The following RBM28 variants were observed in gnomAD, a reference collection of about 807,000 sequenced individuals.
RBM28 encodes RNA-binding protein 28.
A neutral mutation model predicts 98.3 loss-of-function variants in RBM28; 78 were observed. The ratio of observed to expected loss-of-function variants is 0.79; its 90% confidence interval spans 0.66 to 0.96. The LOEUF (loss-of-function observed/expected upper bound fraction) is 0.96. RBM28 is among the 40% of genes least tolerant of loss of function. The probability of loss-of-function intolerance (pLI) is 0.00; values close to 1 mark genes in which losing one functional copy is unlikely to be tolerated. For synonymous variants in RBM28, 306 were observed against 330.9 expected (o/e 0.92, Z 0.82); for missense variants, 838 against 913.0 (o/e 0.92, Z 1.06).
At chr7:128,315,205 T>C (rs1018473710) in intron 16 of RBM28, among the ~76,000 whole-genome samples, 185 bp from the exon 17 acceptor site, 3 of 152,176 alleles carry the variant, frequency 2.0e-5, no homozygotes, top group African/African-American at 7.2e-5. Flanking sequence ...AGATGGTTAC[T>C]GGGTGGGGGG....
At chr7:128,329,015 A>G (rs1796413605) in intron 10 of RBM28, among the ~76,000 whole-genome samples, 1 of 151,636 alleles carries the variant, frequency 6.6e-6, no homozygotes, top group Non-Finnish European at 1.5e-5. Flanking sequence ...TGCAGTGGCA[A>G]TCATAGCTCA....
chr7:128,337,033 C>A, intron 6 of RBM28, 98 bp downstream of exon 6: 3 of 1,334,360 alleles, frequency 2.2e-6, no homozygotes, highest in Non-Finnish European at 3.2e-6. Context: ...CTGCACCCAG[C>A]CTTTTTCTTA....
chr7:128,335,897 C>T lies in RBM28; in HGVS notation c.759G>A (p.Glu253=). 6.2e-7 allele frequency: 1 copy of T among 1,613,572 alleles called. No homozygotes were observed. Among genetic ancestry groups the T allele is most frequent in the African/African-American group, 1.3e-5 (1 of 74,970 alleles). Residue 253 remains glutamate (E), a synonymous_variant, in exon 7 of 19, where the codon GAG becomes GAA. Transcript: ENST00000223073. ...TCACCTTTGATTCTATATTCTCTTCCTCTTCATCTTCATCATCAAAAACCC... is the reference window on the plus strand; with the variant it reads ...TCACCTTTGATTCTATATTCTCTTCTTCTTCATCTTCATCATCAAAAACCC... ...EDGVFDDEDE[E]EENIESKVTK...
In RBM28 at chr7:128,298,444, T is replaced by C. The variant is rs776868278; in HGVS notation, c.*12353A>G. The C allele has an allele frequency of 5.9e-5, 9 of 152,204 alleles. No homozygotes were observed. The highest frequency in any genetic ancestry group is 1.9e-4 in the East Asian group (1 of 5,200). 9.4% of individuals were successfully genotyped at this position (152,204 alleles called of 1,614,324 possible). On this transcript the variant is annotated 3_prime_UTR_variant, in exon 19 of 19. Coordinates refer to ENST00000223073, the MANE Select transcript of RBM28 (RefSeq NM_018077.3). ...TTATTTCTCAGTCGGCCGACACTTATGGAAAATAGAAAGAACCTATGTTGA... is the reference window on the plus strand; with the variant it reads ...TTATTTCTCAGTCGGCCGACACTTACGGAAAATAGAAAGAACCTATGTTGA...
intron 3 of RBM28, 29 bp downstream of exon 3, chr7:128,339,198 A>G: frequency 4.5e-6 from 7 of 1,544,808 alleles, no homozygotes; most frequent in Non-Finnish European, 6.3e-6. Context: ...CCTTCAAAAC[A>G]TGCAATGTTC....
chr7:128,320,636 C>G (rs1796211163), intron 14 of RBM28, among the ~76,000 whole-genome samples: 1 of 152,074 alleles, frequency 6.6e-6, no homozygotes, highest in Non-Finnish European at 1.5e-5. Flanking sequence ...AATACTCTTC[C>G]AAAAAGCAAA....
intron 10 of RBM28, among the ~76,000 whole-genome samples, chr7:128,327,429 A>G (rs566370717): frequency 2.6e-5 from 4 of 152,334 alleles, no homozygotes; most frequent in African/African-American, 9.6e-5. Context: ...TAGAATCTCC[A>G]TAAGGCATGC....
At chr7:128,323,461 C>A in intron 13 of RBM28, 66 bp downstream of exon 13, 1 of 1,574,548 alleles carries the variant, frequency 6.4e-7, no homozygotes, top group Non-Finnish European at 8.7e-7. Context: ...ATCTAGCATT[C>A]GATAACTATT....
chr7:128,316,281 C>G (rs1019514995), intron 16 of RBM28, among the ~76,000 whole-genome samples: 6 of 152,200 alleles, frequency 3.9e-5, no homozygotes, highest in African/African-American at 1.4e-4. Flanking sequence ...GGCCTTATAT[C>G]TTTTGAGAGA....
chr7:128,322,268 A>G (rs899856090), intron 13 of RBM28, among the ~76,000 whole-genome samples: 1 of 152,190 alleles, frequency 6.6e-6, no homozygotes, highest in African/African-American at 2.4e-5. Flanking sequence ...CCACAGAACC[A>G]TATTTTGCTC....
At chr7:128,311,064 G>T in intron 18 of RBM28, 133 bp from the exon 19 acceptor site, 1 of 888,610 alleles carries the variant, frequency 1.1e-6, no homozygotes, top group South Asian at 1.5e-5. Context: ...GGTTTCTAGA[G>T]AGAGACTCTT....
At chr7:128,342,896 G>A (rs1796758040) in intron 1 of RBM28, among the ~76,000 whole-genome samples, 3 of 151,944 alleles carry the variant, frequency 2.0e-5, no homozygotes, top group South Asian at 4.2e-4. Context: ...ACCTCAGTCC[G>A]TCCTTCTCTG....
At chr7:128,326,933 A>T (rs1012450009) in intron 10 of RBM28, among the ~76,000 whole-genome samples, 43 of 152,046 alleles carry the variant, frequency 2.8e-4, no homozygotes, top group Non-Finnish European at 3.7e-4. Context: ...TAAGCCCAAG[A>T]GTTAGAGCCT....
chr7:128,313,786 G>C (rs1425489599), intron 17 of RBM28, among the ~76,000 whole-genome samples: 1 of 152,122 alleles, frequency 6.6e-6, no homozygotes, highest in Non-Finnish European at 1.5e-5. Context: ...CGGTGAATGA[G>C]TTACCACAAG....
At chr7:128,342,827 C>T (rs992852038) in intron 1 of RBM28, among the ~76,000 whole-genome samples, 4 of 152,170 alleles carry the variant, frequency 2.6e-5, no homozygotes, top group Non-Finnish European at 5.9e-5. Context: ...TACCTTTGAG[C>T]TTGCTGTTTT....
At position 128,343,665 on chromosome 7, in the gene RBM28, C is replaced by G. The variant is rs1374796844; in HGVS notation, c.118+11G>C. ...AAACCCCAGCCCTATCCTCGACCGC[C>G]CCGCCCCTACCTTTTTCAGTCACCA... On this transcript the variant is annotated intron_variant, in intron 1 of 18. Coordinates refer to ENST00000223073, the MANE Select transcript of RBM28 (RefSeq NM_018077.3). 53 of 1,598,580 alleles carry G rather than the reference C, an allele frequency of 3.3e-5. No individual in the cohort carries two copies. The highest frequency in any genetic ancestry group is 4.4e-5 in the Non-Finnish European group (52 of 1,170,348).
At chr7:128,318,283 G>A (rs1350890548) in intron 14 of RBM28, among the ~76,000 whole-genome samples, 177 bp from the exon 15 acceptor site, 3 of 152,108 alleles carry the variant, frequency 2.0e-5, no homozygotes, top group Non-Finnish European at 4.4e-5. Context: ...CCAGGAGTTT[G>A]AGACCAGCCT....
intron 1 of RBM28, among the ~76,000 whole-genome samples, chr7:128,342,041 C>T (rs952394343): frequency 6.6e-6 from 1 of 152,148 alleles, no homozygotes; most frequent in African/African-American, 2.4e-5. Context: ...CGTCTGTAGT[C>T]ATAGCTACTT....
intron 3 of RBM28, 43 bp from the exon 4 acceptor site, chr7:128,338,844 A>G: frequency 3.0e-6 from 4 of 1,348,114 alleles, no homozygotes; most frequent in Non-Finnish European, 4.3e-6. Context: ...ACACAATCAC[A>G]GCAAATTAAC....
Sources: gnomAD v4.1 joint callset for allele counts (sites outside exome capture counted in the v4.1 genomes callset) on GRCh38, gnomAD v4.1.1 for gene constraint, MANE v1.5 for transcripts, NCBI Gene and HGNC (gene_info 2026-07-23, HGNC 2026-07-21) for gene names.